Variants in ANKRD6 observed in about 807,000 individuals in gnomAD.
The protein encoded by ANKRD6 is ankyrin repeat domain-containing protein 6.
A neutral mutation model predicts 82.3 loss-of-function variants in ANKRD6; 56 were observed. The ratio of observed to expected loss-of-function variants is 0.68; its 90% confidence interval spans 0.55 to 0.85. The LOEUF (loss-of-function observed/expected upper bound fraction) is 0.85. Ranked by LOEUF, ANKRD6 falls within the 40% of genes least tolerant of loss-of-function variation. The pLI is 0.00. For synonymous variants in ANKRD6, 347 were observed against 352.1 expected (o/e 0.99, Z 0.16); for missense variants, 852 against 907.6 (o/e 0.94, Z 0.79).
chr6:89,467,003 G>A (rs768868553), intron 1 of ANKRD6, among the ~76,000 whole-genome samples: 4 of 152,082 alleles, frequency 2.6e-5, no homozygotes, highest in Non-Finnish European at 5.9e-5. Context: ...CACTGTGCCT[G>A]GCTAGAGATT....
chr6:89,547,919 AAAG>A (rs1785320935), intron 1 of ANKRD6, among the ~76,000 whole-genome samples: 1 of 152,144 alleles, frequency 6.6e-6, no homozygotes, highest in Non-Finnish European at 1.5e-5. Context: ...CTCGTTTTAC[AAAG>A]AAGGAAAATG....
chr6:89,600,169 A>C lies in ANKRD6; in HGVS notation c.220-2860A>C, dbSNP rs558424862. 1.1e-4 allele frequency among the ~76,000 whole-genome samples: 17 copies of C among 152,362 alleles called. No individual in the cohort carries two copies. In the South Asian group the frequency reaches 3.5e-3, roughly 32 times the overall value. On this transcript the variant is annotated intron_variant, in intron 3 of 15. Coordinates refer to ENST00000339746, the MANE Select transcript of ANKRD6 (RefSeq NM_001242809.2). Reference sequence around the variant, plus strand: ...TAGATTGAGCTGCTTGCATTGAGCTAGAGTTTCACAAAGGAAAATTTTCTC... The same window carrying C: ...TAGATTGAGCTGCTTGCATTGAGCTCGAGTTTCACAAAGGAAAATTTTCTC...
chr6:89,561,518 A>G (rs1011505506), intron 1 of ANKRD6: 2 of 152,108 alleles, frequency 1.3e-5, no homozygotes, highest in African/African-American at 4.8e-5. Context: ...AGAAGGAGGA[A>G]GTGTTCTGGA....
At chr6:89,490,504 G>T (rs1266894906) in intron 1 of ANKRD6, among the ~76,000 whole-genome samples, 1 of 152,232 alleles carries the variant, frequency 6.6e-6, no homozygotes, top group Non-Finnish European at 1.5e-5. Flanking sequence ...GAGGTGTGGG[G>T]GATACAAAGA....
intron 1 of ANKRD6, among the ~76,000 whole-genome samples, chr6:89,449,173 T>C (rs1414663150): frequency 1.3e-5 from 2 of 152,168 alleles, no homozygotes; most frequent in African/African-American, 4.8e-5. Context: ...AGAACATTCA[T>C]GATTCATGAG....
chr6:89,435,148 C>G (rs1435697738), intron 1 of ANKRD6, among the ~76,000 whole-genome samples: 1 of 152,214 alleles, frequency 6.6e-6, no homozygotes, highest in African/African-American at 2.4e-5. Flanking sequence ...AGGCACACTT[C>G]CAACTCCCAA....
chr6:89,543,987 G>A (rs1336898897), intron 1 of ANKRD6, among the ~76,000 whole-genome samples: 2 of 152,208 alleles, frequency 1.3e-5, no homozygotes, highest in East Asian at 3.8e-4. Flanking sequence ...CCGTGGCAGT[G>A]TCTCTTACTG....
Position 89,595,950 on chromosome 6 carries a change from AG to A in ANKRD6, c.158del (p.Gly53AlafsTer10). On this transcript the variant is annotated frameshift_variant, in exon 3 of 16. Coordinates refer to ENST00000339746, the MANE Select transcript of ANKRD6 (RefSeq NM_001242809.2). LOFTEE classifies it high-confidence loss of function. ...ACTCCCCTGCATCTTGCTGCCAATA[AG>A]GGCCATCTTCCTGTGGTCCAGATCT... ...GRTPLHLAANKGHLPVVQILL... is the reference protein window; with the variant it reads ...GRTPLHLAANXGHLPVVQILL... 1.4e-5 allele frequency: 22 copies of A among 1,610,924 alleles called. No homozygotes were observed. Among genetic ancestry groups the A allele is most frequent in the Non-Finnish European group, 1.9e-5 (22 of 1,178,682 alleles).
chr6:89,447,137 C>G (rs1374196181), intron 1 of ANKRD6, among the ~76,000 whole-genome samples: 1 of 152,082 alleles, frequency 6.6e-6, no homozygotes, highest in Non-Finnish European at 1.5e-5. Flanking sequence ...ACCTGTAGTT[C>G]TAGCTATTCG....
chr6:89,549,668 C>CT (rs1477545312), intron 1 of ANKRD6, among the ~76,000 whole-genome samples: 1 of 151,974 alleles, frequency 6.6e-6, no homozygotes, highest in Non-Finnish European at 1.5e-5. Flanking sequence ...ACATGACTTT[C>CT]TTTTTTTTAT....
At chr6:89,470,240 C>T (rs536161808) in intron 1 of ANKRD6, among the ~76,000 whole-genome samples, 2 of 152,270 alleles carry the variant, frequency 1.3e-5, no homozygotes, top group African/African-American at 4.8e-5. Flanking sequence ...ATACTGGGTA[C>T]ATCTTTACAA....
intron 1 of ANKRD6, among the ~76,000 whole-genome samples, chr6:89,534,634 T>C (rs1783605619): frequency 6.6e-6 from 1 of 152,198 alleles, no homozygotes; most frequent in Non-Finnish European, 1.5e-5. Flanking sequence ...ATGCAACAAA[T>C]ATTTATAAGT....
chr6:89,568,947 T>A (rs1436506851), intron 2 of ANKRD6, among the ~76,000 whole-genome samples: 1 of 151,014 alleles, frequency 6.6e-6, no homozygotes, highest in African/African-American at 2.4e-5. Context: ...TTTTTTTTTT[T>A]TTAGACAGTG....
At chr6:89,531,205 C>T (rs916539281) in intron 1 of ANKRD6, among the ~76,000 whole-genome samples, 1 of 152,194 alleles carries the variant, frequency 6.6e-6, no homozygotes, top group African/African-American at 2.4e-5. Context: ...AGCCAAAGTG[C>T]GGATCTGTTC....
At chr6:89,507,817 C>T (rs1780056149) in intron 1 of ANKRD6, among the ~76,000 whole-genome samples, 1 of 152,096 alleles carries the variant, frequency 6.6e-6, no homozygotes, top group Non-Finnish European at 1.5e-5. Flanking sequence ...AGTAAATGCT[C>T]CAAAGATAGC....
intron 2 of ANKRD6, among the ~76,000 whole-genome samples, chr6:89,580,719 G>A (rs1792328619): frequency 6.6e-6 from 1 of 152,192 alleles, no homozygotes; most frequent in African/African-American, 2.4e-5. Flanking sequence ...GATCTTTTGT[G>A]GTGGTCATTT....
chr6:89,612,964 G>T (rs1267943345), intron 6 of ANKRD6, among the ~76,000 whole-genome samples: 2 of 152,188 alleles, frequency 1.3e-5, no homozygotes, highest in Non-Finnish European at 2.9e-5. Context: ...TCAGGTGAGG[G>T]TCTCCCTGTT....
chr6:89,611,209 TC>T (rs1164081104), intron 5 of ANKRD6, among the ~76,000 whole-genome samples: 51 of 151,238 alleles, frequency 3.4e-4, no homozygotes, highest in Non-Finnish European at 1.0e-4. Flanking sequence ...TTTTAAAAGA[TC>T]AGGAATCTGA....
At chr6:89,557,234 G>T (rs181769329) in intron 1 of ANKRD6, among the ~76,000 whole-genome samples, 2 of 152,170 alleles carry the variant, frequency 1.3e-5, no homozygotes, top group Non-Finnish European at 2.9e-5. Context: ...CGTGATTGAG[G>T]GTAAAGAAGT....
Sources: allele counts gnomAD v4.1 joint callset (sites outside exome capture counted in the v4.1 genomes callset), GRCh38; gene constraint gnomAD v4.1.1; transcripts MANE v1.5; gene names NCBI Gene and HGNC (gene_info 2026-07-23, HGNC 2026-07-21).